Variants in RABEP1 observed in about 807,000 individuals in gnomAD.
The protein encoded by RABEP1 is rab GTPase-binding effector protein 1.
Under a neutral mutation model 123.4 loss-of-function variants are expected in RABEP1, and 51 were observed. That is an observed-to-expected ratio of 0.41 (90% CI 0.33 to 0.52). RABEP1 has a LOEUF of 0.52. Among genes scored for constraint, RABEP1 ranks in the 20% least tolerant of loss-of-function variants. The probability of loss-of-function intolerance (pLI) is 0.16; values close to 1 mark genes in which losing one functional copy is unlikely to be tolerated. For missense variants in RABEP1, 888 were observed against 996.3 expected (o/e 0.89, Z 1.46); for synonymous variants, 347 against 355.2 (o/e 0.98, Z 0.26).
Position 5,373,316 on chromosome 17 carries a change from G to A in RABEP1, c.1887G>A (p.Ala629=), listed in dbSNP as rs3026098. The A allele has an allele frequency of 0.016, 25,954 of 1,611,432 alleles. 307 individuals are homozygous for A. Among genetic ancestry groups the A allele is most frequent in the Middle Eastern group, 0.04 (240 of 6,034 alleles). The change falls in exon 13 of 18, where the codon GCG becomes GCA. Residue 629 remains alanine (A), a splice_region_variant and synonymous_variant. Coordinates refer to ENST00000537505, the MANE Select transcript of RABEP1 (RefSeq NM_004703.6). ...ATTAGTATCTACTTCTATTTTAGGC[G>A]GTGCTGATGCAGTCACGGGAACAGG... ...QAKRDVQEQM[A]VLMQSREQVS... is the part of the protein sequence containing the mutation.
intron 2 of RABEP1, among the ~76,000 whole-genome samples, chr17:5,324,573 G>A (rs1442804570): frequency 6.6e-6 from 1 of 152,162 alleles, no homozygotes; most frequent in Admixed American, 6.5e-5. Flanking sequence ...ATAGACAAAT[G>A]GGATTGCATC....
intron 1 of RABEP1, among the ~76,000 whole-genome samples, chr17:5,307,891 A>G (rs551469754): frequency 6.6e-6 from 1 of 152,266 alleles, no homozygotes; most frequent in South Asian, 2.1e-4. Context: ...TGGGTTTTTG[A>G]TTATGATCTC....
intron 13 of RABEP1, among the ~76,000 whole-genome samples, chr17:5,376,030 G>T (rs1910965262): frequency 6.6e-6 from 1 of 152,090 alleles, no homozygotes; most frequent in Non-Finnish European, 1.5e-5. Flanking sequence ...GTGCCACCAT[G>T]TCTGGCTACC....
intron 2 of RABEP1, among the ~76,000 whole-genome samples, chr17:5,331,685 G>A (rs185114936): frequency 1.3e-5 from 2 of 152,270 alleles, no homozygotes; most frequent in Admixed American, 1.3e-4. Flanking sequence ...TTAGGCCAGA[G>A]AGATTAAATA....
At chr17:5,348,365 C>T (rs1339260255) in intron 6 of RABEP1, among the ~76,000 whole-genome samples, 2 of 152,178 alleles carry the variant, frequency 1.3e-5, no homozygotes, top group Admixed American at 6.5e-5. Flanking sequence ...AGAAGCATGG[C>T]ATTCAAGGCC....
intron 2 of RABEP1, among the ~76,000 whole-genome samples, chr17:5,331,288 C>A (rs992590185): frequency 6.6e-6 from 1 of 151,946 alleles, no homozygotes; most frequent in African/African-American, 2.4e-5. Flanking sequence ...ATGATATTTA[C>A]AAGAATTTTT....
intron 12 of RABEP1, 152 bp downstream of exon 12, chr17:5,368,620 AAT>A: frequency 1.8e-6 from 1 of 563,472 alleles, no homozygotes; most frequent in Non-Finnish European, 3.1e-6. Flanking sequence ...TAATGGACAA[AAT>A]ATTGTAAAGA....
chr17:5,381,629 C>T lies in RABEP1; in HGVS notation c.2487+124C>T, dbSNP rs186407501. The T allele has an allele frequency of 3.5e-4, 495 of 1,419,236 alleles. 2 individuals are homozygous for T. In the African/African-American group the frequency reaches 4.5e-3, roughly 13 times the overall value. The allele number at this position is 1,419,236 out of a possible 1,614,324, so 87.9% of individuals were successfully genotyped here. A position where few individuals can be genotyped will look rare whatever the true frequency, so the allele number is the denominator to read the frequency against. ...TAGAGACTGGCTGCTCCTACCTCCA[C>T]CCCAAATGTCTGACTCATCATTCAA... On this transcript the variant is annotated intron_variant, in intron 17 of 17. Coordinates refer to ENST00000537505, the MANE Select transcript of RABEP1 (RefSeq NM_004703.6).
At chr17:5,343,250 C>T (rs1459242943) in intron 5 of RABEP1, among the ~76,000 whole-genome samples, 1 of 151,856 alleles carries the variant, frequency 6.6e-6, no homozygotes, top group African/African-American at 2.4e-5. Context: ...AACTCCGTCT[C>T]AAAATAAATA....
rs779782125 is a variant in RABEP1, at chr17:5,386,162, C to CT, written c.*2941dup. ...CCTGTTTTACAATATGGGTTTAAGC[C>CT]TTCAATGGTGTTCAGTTCAGGTGTG... On this transcript the variant is annotated 3_prime_UTR_variant, in exon 18 of 18. Transcript: ENST00000537505. 1.7e-5 allele frequency: 25 copies of CT among 1,477,128 alleles called. No homozygotes were observed. In the African/African-American group the frequency reaches 2.9e-4, roughly 17 times the overall value. 91.5% of individuals were successfully genotyped at this position (1,477,128 alleles called of 1,614,324 possible).
At chr17:5,305,523 T>A (rs1480196385) in intron 1 of RABEP1, among the ~76,000 whole-genome samples, 1 of 152,088 alleles carries the variant, frequency 6.6e-6, no homozygotes, top group East Asian at 1.9e-4. Flanking sequence ...TATATTAATG[T>A]TGAGGGGTAT....
intron 2 of RABEP1, among the ~76,000 whole-genome samples, chr17:5,323,680 ATATATATATATC>A (rs1458940286): frequency 6.9e-5 from 8 of 116,562 alleles, no homozygotes; most frequent in Non-Finnish European, 1.4e-4. Context: ...CATTGGTGAT[ATATATATATATC>A]TCTCTCTAGG....
intron 1 of RABEP1, among the ~76,000 whole-genome samples, chr17:5,299,168 C>G (rs977924442): frequency 1.3e-5 from 2 of 152,086 alleles, no homozygotes; most frequent in Non-Finnish European, 2.9e-5. Context: ...CACACTGATA[C>G]CCAAACTGTC....
Position 5,302,899 on chromosome 17 carries a change from A to T in RABEP1, c.35-5795A>T, listed in dbSNP as rs141752040. On this transcript the variant is annotated intron_variant, in intron 1 of 17. Coordinates refer to ENST00000537505, the MANE Select transcript of RABEP1 (RefSeq NM_004703.6). ...GTTTCTTAAGAGCAAAATTTAAAAA[A>T]TGATTTTTTTTGTGTTGAAATATTT... Among the ~76,000 whole-genome samples the T allele has an allele frequency of 9.7e-4, 147 of 151,606 alleles. 1 individual carries two copies. Among genetic ancestry groups the T allele is most frequent in the African/African-American group, 3.5e-3 (142 of 40,872 alleles).
At chr17:5,326,138 T>A (rs763050243) in intron 2 of RABEP1, among the ~76,000 whole-genome samples, 1 of 152,204 alleles carries the variant, frequency 6.6e-6, no homozygotes, top group Non-Finnish European at 1.5e-5. Context: ...GCAGTCATGC[T>A]CCTTGGTATG....
chr17:5,338,195 G>C, intron 5 of RABEP1, 57 bp downstream of exon 5: 2 of 1,523,540 alleles, frequency 1.3e-6, no homozygotes, highest in East Asian at 4.6e-5. Flanking sequence ...CCAATGCCAT[G>C]AACAAAATTA....
intron 1 of RABEP1, among the ~76,000 whole-genome samples, chr17:5,298,307 G>T (rs962012210): frequency 6.6e-6 from 1 of 152,056 alleles, no homozygotes; most frequent in Non-Finnish European, 1.5e-5. Context: ...ACAATCAAGG[G>T]AAGAGTATAT....
At chr17:5,288,305 G>A (rs2074998908) in intron 1 of RABEP1, among the ~76,000 whole-genome samples, 1 of 152,112 alleles carries the variant, frequency 6.6e-6, no homozygotes, top group Admixed American at 6.6e-5. Context: ...AGTAGGTATG[G>A]GCTGGCCTGA....
intron 8 of RABEP1, among the ~76,000 whole-genome samples, chr17:5,358,840 A>G (rs1176532538): frequency 6.6e-6 from 1 of 152,086 alleles, no homozygotes; most frequent in Non-Finnish European, 1.5e-5. Flanking sequence ...AGCTCACTAC[A>G]GCCCCGATCT....
Sources: gnomAD v4.1 joint callset for allele counts (sites outside exome capture counted in the v4.1 genomes callset) on GRCh38, gnomAD v4.1.1 for gene constraint, MANE v1.5 for transcripts, NCBI Gene and HGNC (gene_info 2026-07-23, HGNC 2026-07-21) for gene names.